Variants in GRM8 observed in about 807,000 individuals in gnomAD.
GRM8 encodes the protein glutamate metabotropic receptor 8, also known as metabotropic glutamate receptor 8.
In GRM8, 47 loss-of-function variants were observed where a neutral mutation model predicts 87.2. The ratio of observed to expected loss-of-function variants is 0.54; its 90% confidence interval spans 0.43 to 0.69. The LOEUF (loss-of-function observed/expected upper bound fraction) is 0.69. Ranked by LOEUF, GRM8 falls within the 30% of genes least tolerant of loss-of-function variation. The probability of loss-of-function intolerance (pLI) is 0.00; values close to 1 mark genes in which losing one functional copy is unlikely to be tolerated. For missense variants in GRM8, 1,019 were observed against 1,139.2 expected, an observed-to-expected ratio of 0.89 and a Z score of 1.52; for synonymous variants, 396 against 404.5, an observed-to-expected ratio of 0.98 and a Z score of 0.25.
chr7:126,464,110 A>G (rs550018391), intron 9 of GRM8, among the ~76,000 whole-genome samples: 1 of 151,664 alleles, frequency 6.6e-6, no homozygotes, highest in Admixed American at 6.6e-5. Flanking sequence ...TGAGTCATTT[A>G]TCTTTTTTCT....
At chr7:126,803,297 T>C (rs1822934940) in intron 6 of GRM8, among the ~76,000 whole-genome samples, 2 of 152,210 alleles carry the variant, frequency 1.3e-5, no homozygotes, top group Admixed American at 6.5e-5. Flanking sequence ...ATCACAGGTA[T>C]GTGTGGGCAC....
intron 7 of GRM8, among the ~76,000 whole-genome samples, chr7:126,687,681 A>G (rs1054446030): frequency 6.6e-6 from 1 of 150,878 alleles, no homozygotes; most frequent in Non-Finnish European, 1.5e-5. Flanking sequence ...TCTGTTTTAC[A>G]GGGTGGTTTA....
At chr7:127,187,272 G>T (rs1011408600) in intron 2 of GRM8, among the ~76,000 whole-genome samples, 1 of 151,970 alleles carries the variant, frequency 6.6e-6, no homozygotes, top group Non-Finnish European at 1.5e-5. Flanking sequence ...AAACATCTAG[G>T]TTATGATAAC....
At chr7:126,680,195 G>T (rs1807396748) in intron 7 of GRM8, among the ~76,000 whole-genome samples, 1 of 152,080 alleles carries the variant, frequency 6.6e-6, no homozygotes, top group Non-Finnish European at 1.5e-5. Flanking sequence ...AGTTATTTAT[G>T]GTGCACGAAC....
At chr7:126,632,512 C>T (rs961163505) in intron 7 of GRM8, among the ~76,000 whole-genome samples, 4 of 152,120 alleles carry the variant, frequency 2.6e-5, no homozygotes, top group Non-Finnish European at 5.9e-5. Flanking sequence ...TACCATTTGA[C>T]CCAGCAATCC....
chr7:126,780,687 G>GACT (rs1472331632), intron 6 of GRM8, among the ~76,000 whole-genome samples: 1 of 18,276 alleles, frequency 5.5e-5, no homozygotes, highest in Non-Finnish European at 1.0e-4. Context: ...CAGCCAGTGA[G>GACT]GCTTAGCAGG....
intron 8 of GRM8, among the ~76,000 whole-genome samples, chr7:126,581,024 A>C (rs2151012319): frequency 6.6e-6 from 1 of 152,196 alleles, no homozygotes; most frequent in South Asian, 2.1e-4. Context: ...AAGCCTTTTT[A>C]TGCATATATA....
At chr7:126,862,982 C>T (rs868738144) in intron 6 of GRM8, among the ~76,000 whole-genome samples, 2 of 152,016 alleles carry the variant, frequency 1.3e-5, no homozygotes, top group Non-Finnish European at 2.9e-5. Context: ...TTCTTGTATG[C>T]TTTTCCCCTT....
At chr7:126,889,591 T>C (rs1462888694) in intron 6 of GRM8, among the ~76,000 whole-genome samples, 2 of 152,140 alleles carry the variant, frequency 1.3e-5, no homozygotes, top group Non-Finnish European at 2.9e-5. Flanking sequence ...CAATCTCTAA[T>C]ATGTGTGTTT....
chr7:126,692,406 A>C (rs1563096787), intron 7 of GRM8, among the ~76,000 whole-genome samples: 1 of 152,208 alleles, frequency 6.6e-6, no homozygotes, highest in Non-Finnish European at 1.5e-5. Flanking sequence ...AAAGTACTCT[A>C]AGTGTCCCCC....
At position 127,035,376 on chromosome 7, in the gene GRM8, C is replaced by T. The variant is rs558243575; in HGVS notation, c.727+71120G>A. 6.6e-5 allele frequency among the ~76,000 whole-genome samples: 10 copies of T among 152,226 alleles called. No homozygotes were observed. The South Asian group carries it at 1.5e-3, about 22-fold the overall frequency. ...CGATTTCGTGAAACATTTACTCAGG[C>T]CTGTGTAGTTTGCATAAATTAACCA... On this transcript the variant is annotated intron_variant, in intron 3 of 10. Coordinates refer to ENST00000339582, the MANE Select transcript of GRM8 (RefSeq NM_000845.3).
intron 2 of GRM8, among the ~76,000 whole-genome samples, chr7:127,186,750 G>A (rs924355738): frequency 6.6e-6 from 1 of 152,208 alleles, no homozygotes; most frequent in Non-Finnish European, 1.5e-5. Flanking sequence ...TGTAATGCAA[G>A]AGATCTTATG....
intron 2 of GRM8, among the ~76,000 whole-genome samples, chr7:127,148,447 C>T (rs901088436): frequency 6.6e-6 from 1 of 151,792 alleles, no homozygotes; most frequent in Non-Finnish European, 1.5e-5. Flanking sequence ...AAATACTGGA[C>T]TTGAATAGCA....
chr7:127,194,767 A>G (rs1378256290), intron 2 of GRM8, among the ~76,000 whole-genome samples: 1 of 152,166 alleles, frequency 6.6e-6, no homozygotes, highest in Non-Finnish European at 1.5e-5. Flanking sequence ...CAGAGAAATC[A>G]GCCTAAATTA....
At chr7:126,543,338 G>C (rs1432564041) in intron 8 of GRM8, among the ~76,000 whole-genome samples, 1 of 152,086 alleles carries the variant, frequency 6.6e-6, no homozygotes, top group Non-Finnish European at 1.5e-5. Context: ...CCCTATGTTG[G>C]CATGTTTAAA....
At chr7:126,477,192 G>A (rs934120477) in intron 9 of GRM8, among the ~76,000 whole-genome samples, 5 of 152,076 alleles carry the variant, frequency 3.3e-5, no homozygotes, top group Non-Finnish European at 7.4e-5. Context: ...TAAAAAAGTT[G>A]AACTTATAGA....
At chr7:127,161,959 T>C (rs1487513696) in intron 2 of GRM8, among the ~76,000 whole-genome samples, 1 of 152,110 alleles carries the variant, frequency 6.6e-6, no homozygotes. Context: ...CAGTACTTCC[T>C]CATCACATCA....
intron 3 of GRM8, among the ~76,000 whole-genome samples, chr7:127,037,381 C>T (rs910216028): frequency 6.6e-6 from 1 of 152,096 alleles, no homozygotes; most frequent in South Asian, 2.1e-4. Flanking sequence ...GGGAATTTTC[C>T]AAGCTACTGT....
intron 2 of GRM8, among the ~76,000 whole-genome samples, chr7:127,168,301 A>G (rs1793576900): frequency 6.6e-6 from 1 of 152,184 alleles, no homozygotes; most frequent in African/African-American, 2.4e-5. Context: ...CAAAACCACA[A>G]TGAGATACCA....
Sources: allele counts gnomAD v4.1 joint callset (sites outside exome capture counted in the v4.1 genomes callset), GRCh38; gene constraint gnomAD v4.1.1; transcripts MANE v1.5; gene names NCBI Gene and HGNC (gene_info 2026-07-23, HGNC 2026-07-21).